DLL4: variants seen among roughly 807,000 people sequenced by gnomAD.
The protein encoded by DLL4 is delta-like protein 4.
A neutral mutation model predicts 73.6 loss-of-function variants in DLL4; 7 were observed. The observed-to-expected ratio is 0.10, with a 90% CI of 0.05 to 0.18. The LOEUF is 0.18. Among genes scored for constraint, DLL4 ranks in the 10% least tolerant of loss-of-function variants. The pLI, the probability that DLL4 is intolerant of heterozygous loss-of-function variation, is 1.00. For missense variants in DLL4, 614 were observed against 929.9 expected, an observed-to-expected ratio of 0.66 and a Z score of 4.42; for synonymous variants, 345 against 374.3, an observed-to-expected ratio of 0.92 and a Z score of 0.90.
rs1469037999 is a variant in DLL4, at chr15:40,936,849, C to T, written c.1862C>T (p.Pro621Leu). 1.2e-6 allele frequency: 2 copies of T among 1,613,188 alleles called. No homozygotes were observed. The highest frequency in any genetic ancestry group is 2.7e-5 in the African/African-American group (2 of 74,912). The part of the protein sequence containing the change: ...HTLDYNLAPG[P>L]LGRGTMPGKF... ...TTGGACTATAATCTGGCCCCAGGGCCCCTGGGGCGGGGGACCATGCCAGGA... is the reference window on the plus strand; with the variant it reads ...TTGGACTATAATCTGGCCCCAGGGCTCCTGGGGCGGGGGACCATGCCAGGA... The change falls in exon 9 of 11, where the codon CCC becomes CTC. Residue 621 changes from proline (P) to leucine (L), a missense_variant. Physicochemically the swap from Pro to Leu is moderately conservative, Grantham distance 98 (BLOSUM62 -3). Around this residue, in one of 3 missense-constraint regions of DLL4, gnomAD observed 386 missense variants for 541.3 expected, o/e 0.71. Transcript: ENST00000249749.
intron 10 of DLL4, 98 bp from the exon 11 acceptor site, chr15:40,937,931 C>A: frequency 2.7e-6 from 4 of 1,474,934 alleles, no homozygotes; most frequent in Non-Finnish European, 1.8e-6. Context: ...TTAGCCCCTG[C>A]CTGCCCCATC....
Position 40,938,942 on chromosome 15 carries a change from T to G in DLL4, c.*908T>G, listed in dbSNP as rs1168792242. The G allele has an allele frequency of 2.0e-5, 3 of 152,114 alleles. No homozygotes were observed. Among genetic ancestry groups the G allele is most frequent in the East Asian group, 1.9e-4 (1 of 5,202 alleles). 9.4% of individuals were successfully genotyped at this position (152,114 alleles called of 1,614,324 possible). ...TATGAGTTTTTATTTTGTTTTTTTT[T>G]TTTTTTTTGTAGTTTATTTTGGAGT... is the stretch of plus-strand genomic sequence containing the variant. On this transcript the variant is annotated 3_prime_UTR_variant, in exon 11 of 11. Coordinates refer to ENST00000249749, the MANE Select transcript of DLL4 (RefSeq NM_019074.4).
In DLL4 at chr15:40,934,704, G is replaced by A; in HGVS notation, c.1007G>A (p.Gly336Glu). 1 of 1,613,792 alleles carries A rather than the reference G, an allele frequency of 6.2e-7. No individual in the cohort carries two copies. Among genetic ancestry groups the A allele is most frequent in the Non-Finnish European group, 8.5e-7 (1 of 1,179,798 alleles). Residue 336 changes from glycine (G) to glutamate (E), a missense_variant, in exon 7 of 11, where the codon GGA (glycine) becomes GAA (glutamate). Transcript: ENST00000249749. ...SECDSNPCRN[G>E]GSCKDQEDGY... ...TGTGACAGCAACCCCTGTCGCAATG[G>A]AGGCAGCTGTAAGGTGAGGCCCAGA...
In DLL4 at chr15:40,937,968, G is replaced by T. The variant is rs377549749; in HGVS notation, c.2053-61G>T. On this transcript the variant is annotated intron_variant, in intron 10 of 10. Transcript: ENST00000249749. ...CCTTCTCCCAGGGAGGCCCAGGGAGGGCCTGGAGGGAGTGCGCATGCCCAG... is the reference window on the plus strand; with the variant it reads ...CCTTCTCCCAGGGAGGCCCAGGGAGTGCCTGGAGGGAGTGCGCATGCCCAG... 1.4e-3 allele frequency: 2,262 copies of T among 1,589,504 alleles called. 45 individuals carry two copies. The South Asian group carries it at 0.024, about 17-fold the overall frequency.
chr15:40,932,129 C>G lies in DLL4; in HGVS notation c.659-42C>G, dbSNP rs375413330. 8.3e-5 allele frequency: 134 copies of G among 1,611,558 alleles called. No individual in the cohort carries two copies. In the African/African-American group the frequency reaches 1.4e-3, roughly 17 times the overall value. ...CAGGTGAGAATGGGGCTTAAGAGTCCTTGGTATCCCAGCCTCACCCAGCTC... is the reference window on the plus strand; with the variant it reads ...CAGGTGAGAATGGGGCTTAAGAGTCGTTGGTATCCCAGCCTCACCCAGCTC... On this transcript the variant is annotated intron_variant, in intron 4 of 10. Transcript: ENST00000249749.
Position 40,930,219 on chromosome 15 carries a change from C to A in DLL4, c.336+103C>A. ...GATTTCCTTGTACACACACCCCCACCCCCAAAAAGCCCAGGATGCATTCTT... is the reference window on the plus strand; with the variant it reads ...GATTTCCTTGTACACACACCCCCACACCCAAAAAGCCCAGGATGCATTCTT... On this transcript the variant is annotated intron_variant, in intron 2 of 10. Coordinates refer to ENST00000249749, the MANE Select transcript of DLL4 (RefSeq NM_019074.4). The surrounding 1 kb of genome is among the most constrained non-coding windows in gnomAD (Gnocchi z 5.7). 7.3e-7 allele frequency: 1 copy of A among 1,370,810 alleles called. No homozygotes were observed. Among genetic ancestry groups the A allele is most frequent in the Non-Finnish European group, 9.9e-7 (1 of 1,011,954 alleles). 84.9% of individuals were successfully genotyped at this position (1,370,810 alleles called of 1,614,324 possible).
At chr15:40,937,093 C>G (rs999441963) in intron 9 of DLL4, among the ~76,000 whole-genome samples, 163 bp downstream of exon 9, 5 of 152,224 alleles carry the variant, frequency 3.3e-5, no homozygotes, top group Non-Finnish European at 7.4e-5. Context: ...TCCTTCCCTC[C>G]CATTCATTCA....
At chr15:40,932,917 G>A (rs1892789157) in intron 6 of DLL4, among the ~76,000 whole-genome samples, 1 of 152,182 alleles carries the variant, frequency 6.6e-6, no homozygotes. Context: ...GGGCGGAGTG[G>A]CATCTAACCG....
At chr15:40,932,118 G>T (rs1566878477) in intron 4 of DLL4, 53 bp from the exon 5 acceptor site, 20 of 1,603,616 alleles carry the variant, frequency 1.2e-5, no homozygotes. Flanking sequence ...TGAGAATGGG[G>T]CTTAAGAGTC....
chr15:40,931,656 A>G lies in DLL4; in HGVS notation c.548A>G (p.Asn183Ser), dbSNP rs765240965. The G allele has an allele frequency of 6.2e-7, 1 of 1,613,166 alleles. No homozygotes were observed. Among genetic ancestry groups the G allele is most frequent in the Non-Finnish European group, 8.5e-7 (1 of 1,179,524 alleles). ...TGCAGTGACAACTACTATGGAGACAACTGCTCCCGCCTGTGCAAGAAGCGC... is the reference window on the plus strand; with the variant it reads ...TGCAGTGACAACTACTATGGAGACAGCTGCTCCCGCCTGTGCAAGAAGCGC... Reference protein sequence around the residue: ...VICSDNYYGDNCSRLCKKRND... With the variant: ...VICSDNYYGDSCSRLCKKRND... Residue 183 changes from asparagine (N) to serine (S), a missense_variant, in exon 4 of 11, where the codon AAC (asparagine) becomes AGC (serine). By Grantham distance (46) the Asn-to-Ser change is conservative. Transcript: ENST00000249749.
At position 40,936,670 on chromosome 15, in the gene DLL4, C is replaced by T. The variant is rs1485634385; in HGVS notation, c.1683C>T (p.Asp561=). The T allele has an allele frequency of 8.1e-6, 13 of 1,612,826 alleles. No homozygotes were observed. Among genetic ancestry groups the T allele is most frequent in the Admixed American group, 1.7e-5 (1 of 60,008 alleles). The part of the protein sequence containing the change: ...AVRQLRLRRP[D]DGSREAMNNL... The stretch of plus-strand genomic sequence containing the variant: ...GGCAGCTGCGGCTTCGACGGCCGGA[C>T]GACGGCAGCAGGGAAGCCATGAACA... The change falls in exon 9 of 11, where the codon GAC becomes GAT. Residue 561 remains aspartate (D), a synonymous_variant. Transcript: ENST00000249749.
At chr15:40,937,368 C>A (rs201878551) in intron 9 of DLL4, 50 bp from the exon 10 acceptor site, 9 of 1,356,642 alleles carry the variant, frequency 6.6e-6, no homozygotes, top group Admixed American at 5.0e-5. Flanking sequence ...CTCCCTCCCC[C>A]CAAGCCTCTC....
chr15:40,930,488 A>T lies in DLL4; in HGVS notation c.337-137A>T, dbSNP rs1308339532. 1 of 768,004 alleles carries T rather than the reference A, an allele frequency of 1.3e-6. No homozygotes were observed. The highest frequency in any genetic ancestry group is 2.2e-6 in the Non-Finnish European group (1 of 446,166). The allele number at this position is 768,004 out of a possible 1,614,324, so 47.6% of individuals were successfully genotyped here. On this transcript the variant is annotated intron_variant, in intron 2 of 10. Transcript: ENST00000249749. This position sits in a 1 kb window ranked among gnomAD's most constrained non-coding sequence, Gnocchi z 5.7. ...TCCCTGCTCAAGCGCTACACTGTGC[A>T]CAGCCCCGTTATGTTGACCCGGGCG...
Position 40,931,485 on chromosome 15 carries a change from G to A in DLL4, c.395-18G>A, listed in dbSNP as rs377573739. ...GGGACTGGCGACCCTTCCCTGACCC[G>A]ACCCTCTGCCCCCTCAGAGGCCTTG... On this transcript the variant is annotated intron_variant, in intron 3 of 10. Transcript: ENST00000249749. The A allele has an allele frequency of 3.7e-6, 6 of 1,602,042 alleles. No individual in the cohort carries two copies. The highest frequency in any genetic ancestry group is 1.3e-5 in the African/African-American group (1 of 74,692).
Position 40,932,222 on chromosome 15 carries a change from C to T in DLL4, c.710C>T (p.Ala237Val). 2 of 1,614,074 alleles carry T rather than the reference C, an allele frequency of 1.2e-6. No individual in the cohort carries two copies. The highest frequency in any genetic ancestry group is 2.2e-5 in the South Asian group (2 of 91,090). ...CAGAATGGCTACTGCAGCAAGCCAG[C>T]AGAGTGCCTGTGAGTAGGGGACAGG... ...HEQNGYCSKP[A>V]ECLCRPGWQG... Residue 237 changes from alanine to valine, a missense_variant, in exon 5 of 11, where the codon GCA (alanine) becomes GTA (valine). Physicochemically the swap from Ala to Val is moderately conservative, Grantham distance 64. Around this residue, in one of 3 missense-constraint regions of DLL4, gnomAD observed 227 missense variants for 370.8 expected, o/e 0.61. Transcript: ENST00000249749.
chr15:40,931,139 T>G, intron 3 of DLL4: 1 of 386,934 alleles, frequency 2.6e-6, no homozygotes, highest in South Asian at 4.0e-5. Context: ...AAGGACCCCC[T>G]GCTCCCAGGG....
chr15:40,936,161 G>A, intron 8 of DLL4, 67 bp from the exon 9 acceptor site: 1 of 1,404,178 alleles, frequency 7.1e-7, no homozygotes, highest in Non-Finnish European at 9.5e-7. Flanking sequence ...CCTGGAATGG[G>A]GCTCCCACCC....
rs1892821109 is a variant in DLL4 at position 40,934,900 on chromosome 15, C to T, written c.1023C>T (p.Asp341=). The T allele has an allele frequency of 6.2e-7, 1 of 1,613,464 alleles. No individual in the cohort carries two copies. Among genetic ancestry groups the T allele is most frequent in the Non-Finnish European group, 8.5e-7 (1 of 1,179,802 alleles). Residue 341 remains aspartate, a splice_region_variant and synonymous_variant, in exon 8 of 11, where the codon GAC becomes GAT. Coordinates refer to ENST00000249749, the MANE Select transcript of DLL4 (RefSeq NM_019074.4). ...NPCRNGGSCK[D]QEDGYHCLCP... ...GCCCCTTTATGGTCTCTCTCCAGGA[C>T]CAGGAGGATGGCTACCACTGCCTGT... is the stretch of plus-strand genomic sequence containing the variant.
intron 4 of DLL4, 30 bp from the exon 5 acceptor site, chr15:40,932,141 G>A (rs1233696821): frequency 6.2e-7 from 1 of 1,613,546 alleles, no homozygotes; most frequent in Non-Finnish European, 8.5e-7. Flanking sequence ...TGGTATCCCA[G>A]CCTCACCCAG....
Sources: gnomAD v4.1 joint callset for allele counts (sites outside exome capture counted in the v4.1 genomes callset) on GRCh38, gnomAD v4.1.1 for gene constraint, gnomAD v4.1.1 regional missense constraint, Gnocchi (gnomAD v3.1) non-coding constraint, MANE v1.5 for transcripts, NCBI Gene and HGNC (gene_info 2026-07-23, HGNC 2026-07-21) for gene names.